DNASE1: variants seen among roughly 807,000 people sequenced by gnomAD.
DNASE1 encodes the protein deoxyribonuclease 1, also known as deoxyribonuclease-1.
In DNASE1, 40 loss-of-function variants were observed where a neutral mutation model predicts 33.9. The ratio of observed to expected loss-of-function variants is 1.18; its 90% CI spans 0.92 to 1.54. The LOEUF (loss-of-function observed/expected upper bound fraction) is 1.54, where lower values mean the gene tolerates loss of function less well. Ranked by LOEUF, DNASE1 falls within the 40% of genes most tolerant of loss-of-function variation. DNASE1 has a pLI of 0.00. For synonymous variants in DNASE1, 216 were observed against 160.0 expected (o/e 1.35, Z -2.64); for missense variants, 518 against 372.6 (o/e 1.39, Z -3.21).
At chr16:3,658,739 C>G (rs1314332826), downstream of DNASE1, 18 of 1,535,644 alleles carry the variant, frequency 1.2e-5, no homozygotes, top group Non-Finnish European at 1.6e-5. Context: ...TGAAGGCAGG[C>G]TGGCAGGGCT....
upstream of DNASE1, chr16:3,652,528 GAA>G (rs2042369293): frequency 6.6e-6 from 1 of 152,286 alleles, no homozygotes; most frequent in Non-Finnish European, 1.5e-5. Context: ...AAACAGGGAA[GAA>G]CCATTGCTGA....
At chr16:3,649,005 G>A (rs1415398762) in intron 1 of DNASE1, among the ~76,000 whole-genome samples, 1 of 152,072 alleles carries the variant, frequency 6.6e-6, no homozygotes, top group Non-Finnish European at 1.5e-5. Context: ...GGGTCGTACC[G>A]TGTCCCCATG....
intron 1 of DNASE1, among the ~76,000 whole-genome samples, chr16:3,621,273 T>G (rs8053674): frequency 0.96 from 146,889 of 152,220 alleles, 70,930 homozygotes; most frequent in East Asian, 1. Context: ...TTTTTGTAGA[T>G]ATGGGGTCTT....
chr16:3,640,037 C>T (rs2041987297), upstream of DNASE1, among the ~76,000 whole-genome samples: 3 of 152,238 alleles, frequency 2.0e-5, no homozygotes, highest in African/African-American at 7.2e-5. Flanking sequence ...GGGTCCAGTG[C>T]TGCTTTAGTC....
At chr16:3,658,523 AAT>A, downstream of DNASE1, 1 of 567,458 alleles carries the variant, frequency 1.8e-6, no homozygotes, top group Non-Finnish European at 3.1e-6. Context: ...TCTCTACTAA[AAT>A]ACAAAATTAG....
exon 10 of DNASE1, chr16:3,664,585 G>A: frequency 2.0e-6 from 2 of 980,564 alleles, no homozygotes; most frequent in Non-Finnish European, 2.9e-6. Flanking sequence ...TGACCCGAGG[G>A]ACGGTAGTGG....
chr16:3,625,189 C>G (rs534284503), intron 1 of DNASE1, among the ~76,000 whole-genome samples: 25 of 152,222 alleles, frequency 1.6e-4, no homozygotes, highest in Non-Finnish European at 3.1e-4. Context: ...GCCTGTAATC[C>G]CAGCTACTTG....
chr16:3,663,663 CACACTGGGGA>C, exon 10 of DNASE1: 1 of 1,499,082 alleles, frequency 6.7e-7, no homozygotes, highest in Non-Finnish European at 9.0e-7. Flanking sequence ...CCAAGCGGGC[CACACTGGGGA>C]ACACCGGGGC....
downstream of DNASE1, chr16:3,662,076 AG>A: frequency 6.2e-7 from 1 of 1,613,258 alleles, no homozygotes; most frequent in Non-Finnish European, 8.5e-7. Context: ...AGTGGCGGGC[AG>A]CCCCCATCTC....
exon 10 of DNASE1, chr16:3,663,151 A>C (rs12920345): frequency 4.8e-5 from 32 of 662,082 alleles, no homozygotes; most frequent in Non-Finnish European, 5.6e-5. Flanking sequence ...TGAGGCCCAT[A>C]CAACTTGGTT....
chr16:3,639,733 T>G (rs1419118895), upstream of DNASE1, among the ~76,000 whole-genome samples: 2 of 152,212 alleles, frequency 1.3e-5, no homozygotes, highest in Non-Finnish European at 2.9e-5. Context: ...GGCCCGGTTA[T>G]TTTTTAAATT....
intron 1 of DNASE1, among the ~76,000 whole-genome samples, chr16:3,627,459 TAGAGACAAGGC>T (rs1417492167): frequency 1.3e-5 from 2 of 151,904 alleles, no homozygotes; most frequent in East Asian, 3.9e-4. Context: ...TATTTTTTTA[TAGAGACAAGGC>T]CTCACTATGT....
At chr16:3,656,855 T>G in intron 5 of DNASE1, 102 bp downstream of exon 5, 1 of 1,537,322 alleles carries the variant, frequency 6.5e-7, no homozygotes, top group Non-Finnish European at 8.8e-7. Flanking sequence ...GCCCTCCCAG[T>G]CCCTGGGGCT....
At chr16:3,655,307 G>T (rs1354660609) in intron 1 of DNASE1, 66 bp from the exon 2 acceptor site, 3 of 1,604,724 alleles carry the variant, frequency 1.9e-6, no homozygotes, top group Non-Finnish European at 2.6e-6. Flanking sequence ...GCTCCAGAAG[G>T]CTGGAGTGCT....
chr16:3,664,991 C>T (rs533182792), exon 10 of DNASE1: 1 of 154,132 alleles, frequency 6.5e-6, no homozygotes, highest in East Asian at 1.9e-4. Flanking sequence ...GGAGCTGCAG[C>T]TGGAAGGACG....
exon 10 of DNASE1, chr16:3,664,940 T>C: frequency 6.4e-6 from 1 of 156,900 alleles, no homozygotes; most frequent in Non-Finnish European, 1.4e-5. Flanking sequence ...TTTGCCCTCC[T>C]CCCCATCAGC....
upstream of DNASE1, chr16:3,654,365 C>T (rs1203323529): frequency 1.3e-5 from 5 of 398,726 alleles, no homozygotes; most frequent in Non-Finnish European, 2.2e-5. Context: ...GCTCCCCAGC[C>T]TCCTGCAGAG....
At chr16:3,657,403 A>G in intron 7 of DNASE1, 62 bp downstream of exon 7, 2 of 1,595,232 alleles carry the variant, frequency 1.3e-6, no homozygotes, top group Non-Finnish European at 1.7e-6. Context: ...CGTGACTCAT[A>G]GGTCGGGCTT....
chr16:3,613,764 T>G (rs2040993267), intron 1 of DNASE1, among the ~76,000 whole-genome samples: 1 of 152,186 alleles, frequency 6.6e-6, no homozygotes, highest in Non-Finnish European at 1.5e-5. Flanking sequence ...CCTTCCTTGC[T>G]TCGTTTTCGA....
Sources: gnomAD v4.1 joint callset for allele counts (sites outside exome capture counted in the v4.1 genomes callset) on GRCh38, gnomAD v4.1.1 for gene constraint, MANE v1.5 for transcripts, NCBI Gene and HGNC (gene_info 2026-07-23, HGNC 2026-07-21) for gene names.